The following NIPAL3 variants were observed in gnomAD, a reference collection of about 807,000 sequenced individuals.
NIPAL3 encodes the protein NIPA-like protein 3.
NIPAL3 carries 41 observed loss-of-function variants against 47.2 expected under a neutral mutation model. The ratio of observed to expected loss-of-function variants is 0.87; its 90% CI spans 0.68 to 1.13. The LOEUF (loss-of-function observed/expected upper bound fraction) is 1.13. Ranked by LOEUF, NIPAL3 falls within the 50% of genes most tolerant of loss-of-function variation. The pLI is 0.00. For synonymous variants in NIPAL3, 194 were observed against 209.6 expected, an observed-to-expected ratio of 0.93 and a Z score of 0.64; for missense variants, 449 against 530.1, an observed-to-expected ratio of 0.85 and a Z score of 1.50.
At chr1:24,458,779 C>G (rs1646338750) in intron 8 of NIPAL3, 109 bp from the exon 9 acceptor site, 10 of 835,754 alleles carry the variant, frequency 1.2e-5, no homozygotes, top group Non-Finnish European at 1.8e-5. Context: ...ACCCAAGGAA[C>G]ATTCCTAAAT....
rs1019500870 is a variant in NIPAL3, at chr1:24,469,451, A to G, written c.*266A>G. The G allele has an allele frequency of 2.2e-5, 9 of 400,772 alleles. No homozygotes were observed. The Admixed American group carries it at 3.5e-4, about 15-fold the overall frequency. 24.8% of individuals were successfully genotyped at this position (400,772 alleles called of 1,614,324 possible). Reference sequence around the variant, plus strand: ...TGGATTAGCCCAGGGGGATTTGGAAAGCCTTTCTACCATCCTTGAGGATGG... The same window carrying G: ...TGGATTAGCCCAGGGGGATTTGGAAGGCCTTTCTACCATCCTTGAGGATGG... On this transcript the variant is annotated 3_prime_UTR_variant, in exon 12 of 12. Coordinates refer to ENST00000374399, the MANE Select transcript of NIPAL3 (RefSeq NM_020448.5).
intron 11 of NIPAL3, chr1:24,466,360 A>T: frequency 4.1e-6 from 1 of 246,096 alleles, no homozygotes; most frequent in Non-Finnish European, 7.8e-6. Flanking sequence ...TGCTAGCCTG[A>T]CTAAACATAG....
intron 2 of NIPAL3, among the ~76,000 whole-genome samples, chr1:24,425,579 G>A (rs1644544339): frequency 6.6e-6 from 1 of 152,128 alleles, no homozygotes; most frequent in Non-Finnish European, 1.5e-5. Flanking sequence ...TTTGGAATCA[G>A]AGACTTGGCT....
At position 24,451,469 on chromosome 1, in the gene NIPAL3, G is replaced by A. The variant is rs1290045311; in HGVS notation, c.540+1843G>A. 6.6e-6 allele frequency among the ~76,000 whole-genome samples: 1 copy of A among 152,138 alleles called. No homozygotes were observed. Among genetic ancestry groups the A allele is most frequent in the Non-Finnish European group, 1.5e-5 (1 of 68,028 alleles). ...TCAGCACTTTGGGAGGCCGAGGTAG[G>A]AGGATTGCTTGAGCCCAGGAACTTG... On this transcript the variant is annotated intron_variant, in intron 6 of 11. Coordinates refer to ENST00000374399, the MANE Select transcript of NIPAL3 (RefSeq NM_020448.5). This position sits in a 1 kb window ranked among gnomAD's most constrained non-coding sequence, Gnocchi z 4.5.
intron 10 of NIPAL3, 147 bp from the exon 11 acceptor site, chr1:24,463,879 G>C (rs1646583810): frequency 1.4e-5 from 8 of 557,336 alleles, no homozygotes; most frequent in South Asian, 2.6e-5. Flanking sequence ...TGAGAGGCTG[G>C]CAGCCTCTCA....
intron 4 of NIPAL3, among the ~76,000 whole-genome samples, chr1:24,444,038 C>G (rs554076849): frequency 9.3e-5 from 14 of 150,166 alleles, no homozygotes; most frequent in Non-Finnish European, 1.8e-4. Context: ...TTTAAAGAGG[C>G]CAAGTTATAA....
chr1:24,425,777 T>C (rs549919861), intron 2 of NIPAL3, among the ~76,000 whole-genome samples: 2 of 152,170 alleles, frequency 1.3e-5, no homozygotes, highest in South Asian at 4.1e-4. Flanking sequence ...AGGGTAGTTA[T>C]GAGAATGACC....
chr1:24,456,987 T>A (rs1457260408), intron 8 of NIPAL3, among the ~76,000 whole-genome samples: 3 of 152,156 alleles, frequency 2.0e-5, no homozygotes, highest in African/African-American at 7.2e-5. Flanking sequence ...GGTCTCAAAC[T>A]CCTAACCTCA....
At chr1:24,457,863 G>C (rs1031414778) in intron 8 of NIPAL3, 3 of 527,492 alleles carry the variant, frequency 5.7e-6, no homozygotes, top group Non-Finnish European at 1.2e-5. Flanking sequence ...ATGATTATTG[G>C]CCTTGCTATT....
intron 10 of NIPAL3, 73 bp downstream of exon 10, chr1:24,460,617 C>G: frequency 7.9e-7 from 1 of 1,258,428 alleles, no homozygotes. Context: ...CTCTCTCTCC[C>G]TTATTGCTAC....
At chr1:24,453,114 G>C (rs1214644097) in intron 6 of NIPAL3, among the ~76,000 whole-genome samples, 1 of 152,124 alleles carries the variant, frequency 6.6e-6, no homozygotes, top group East Asian at 1.9e-4. Context: ...ATCTCAGCCT[G>C]ATGCATCTTG....
At position 24,466,264 on chromosome 1, in the gene NIPAL3, A is replaced by G. The variant is rs931219408; in HGVS notation, c.1021+2144A>G. On this transcript the variant is annotated intron_variant, in intron 11 of 11. Transcript: ENST00000374399. ...CTCTGCAGCTGTGATGGATCAGGAC[A>G]CAAGCAGGTGGAATGGGAAGAAAAG... 37 of 514,828 alleles carry G rather than the reference A, an allele frequency of 7.2e-5. No homozygotes were observed. The Admixed American group carries it at 1.1e-3, about 15-fold the overall frequency. 31.9% of individuals were successfully genotyped at this position (514,828 alleles called of 1,614,324 possible). A position where few individuals can be genotyped will look rare whatever the true frequency, so the allele number is the denominator to read the frequency against.
At chr1:24,468,858 C>A in intron 11 of NIPAL3, 128 bp from the exon 12 acceptor site, 1 of 821,586 alleles carries the variant, frequency 1.2e-6, no homozygotes, top group Non-Finnish European at 2.0e-6. Flanking sequence ...CTAAAGCATT[C>A]AGGAAATTGA....
intron 7 of NIPAL3, 59 bp from the exon 8 acceptor site, chr1:24,456,079 G>C: frequency 6.2e-7 from 1 of 1,603,346 alleles, no homozygotes; most frequent in South Asian, 1.1e-5. Context: ...CTGGCTTTCC[G>C]GACCTAACTC....
chr1:24,419,784 T>C, intron 2 of NIPAL3, 144 bp downstream of exon 2: 1 of 710,018 alleles, frequency 1.4e-6, no homozygotes, highest in South Asian at 1.8e-5. Context: ...GACAAGGGAA[T>C]GTGTAAGCAA....
chr1:24,447,916 T>G (rs1049158753), intron 5 of NIPAL3, among the ~76,000 whole-genome samples: 1 of 152,264 alleles, frequency 6.6e-6, no homozygotes, highest in Admixed American at 6.5e-5. Flanking sequence ...TGAATATGGC[T>G]GTTTTACCTG....
intron 1 of NIPAL3, among the ~76,000 whole-genome samples, chr1:24,418,380 T>A (rs1004017250): frequency 4.6e-5 from 7 of 152,150 alleles, no homozygotes; most frequent in Non-Finnish European, 1.0e-4. Flanking sequence ...CCTGTAATCC[T>A]AGCACTTTGG....
At chr1:24,436,463 C>A (rs1438123767) in intron 2 of NIPAL3, among the ~76,000 whole-genome samples, 3 of 151,770 alleles carry the variant, frequency 2.0e-5, no homozygotes, top group Non-Finnish European at 4.4e-5. Flanking sequence ...GCCTTCTTCT[C>A]TCTGCATTCA....
intron 6 of NIPAL3, among the ~76,000 whole-genome samples, chr1:24,452,675 T>A (rs61464787): frequency 0.014 from 2,068 of 152,122 alleles, 52 homozygotes; most frequent in African/African-American, 0.048. Flanking sequence ...ACTGGAAGCT[T>A]GGCTGGGAGC....
Sources: gnomAD v4.1 joint callset for allele counts (sites outside exome capture counted in the v4.1 genomes callset) on GRCh38, gnomAD v4.1.1 for gene constraint, Gnocchi (gnomAD v3.1) non-coding constraint, MANE v1.5 for transcripts, NCBI Gene and HGNC (gene_info 2026-07-23, HGNC 2026-07-21) for gene names.